Variants in MTUS1 observed in about 807,000 individuals in gnomAD.
The protein encoded by MTUS1 is microtubule-associated tumor suppressor 1.
Under a neutral mutation model 120.8 loss-of-function variants are expected in MTUS1, and 109 were observed. That is an observed-to-expected ratio of 0.90 (90% confidence interval 0.77 to 1.06). The LOEUF is 1.06. Among genes scored for constraint, MTUS1 ranks in the 50% least tolerant of loss-of-function variants. The pLI is 0.00. For missense variants in MTUS1, 2,210 were observed against 1,486.3 expected (o/e 1.49, Z -8.01); for synonymous variants, 737 against 550.5 (o/e 1.34, Z -4.74).
chr8:17,748,587 T>C (rs781356528), intron 2 of MTUS1, among the ~76,000 whole-genome samples: 1 of 152,160 alleles, frequency 6.6e-6, no homozygotes, highest in South Asian at 2.1e-4. Context: ...GCATGCCCTC[T>C]GGGGCTTTAG....
intron 6 of MTUS1, among the ~76,000 whole-genome samples, chr8:17,710,526 A>G (rs927228043): frequency 6.6e-6 from 1 of 152,180 alleles, no homozygotes; most frequent in Non-Finnish European, 1.5e-5. Flanking sequence ...TCTAGTTCTC[A>G]TCCTATTTCT....
In MTUS1 at chr8:17,755,081, A is replaced by G. The variant is rs2048500287; in HGVS notation, c.727T>C (p.Tyr243His). The G allele has an allele frequency of 6.2e-7, 1 of 1,613,754 alleles. No homozygotes were observed. Among genetic ancestry groups the G allele is most frequent in the African/African-American group, 1.3e-5 (1 of 74,936 alleles). ...VTPSEAQDMT[Y>H]TAFSDVVMQS... Reference sequence around the variant, plus strand: ...ATCACCACATCAGAAAATGCTGTGTAAGTCATGTCTTGGGCTTCTGATGGT... The same window carrying G: ...ATCACCACATCAGAAAATGCTGTGTGAGTCATGTCTTGGGCTTCTGATGGT... The change falls in exon 2 of 15, where the codon TAC becomes CAC. Residue 243 changes from tyrosine to histidine, a missense_variant. Transcript: ENST00000693296.
chr8:17,658,024 G>GACACACACACACACAC (rs58132896), intron 8 of MTUS1, among the ~76,000 whole-genome samples: 7,885 of 140,404 alleles, frequency 0.056, 349 homozygotes, highest in Non-Finnish European at 0.083. Flanking sequence ...TATATATATA[G>GACACACACACACACAC]ACACACACAC....
intron 3 of MTUS1, among the ~76,000 whole-genome samples, chr8:17,739,507 A>G (rs2047162827): frequency 2.0e-5 from 3 of 152,078 alleles, no homozygotes; most frequent in African/African-American, 7.3e-5. Flanking sequence ...AAATAAATAA[A>G]TAAATAAATT....
chr8:17,683,353 C>G (rs907913824), intron 7 of MTUS1, among the ~76,000 whole-genome samples: 5 of 152,206 alleles, frequency 3.3e-5, no homozygotes. Flanking sequence ...CCACTTCTCT[C>G]TCTCCCCACT....
chr8:17,650,404 A>G (rs1159316806), intron 12 of MTUS1, among the ~76,000 whole-genome samples: 1 of 152,100 alleles, frequency 6.6e-6, no homozygotes, highest in Non-Finnish European at 1.5e-5. Context: ...AGGGATAACA[A>G]TGTCCTGAGT....
chr8:17,652,399 C>T (rs796069675), intron 12 of MTUS1, among the ~76,000 whole-genome samples: 4 of 152,258 alleles, frequency 2.6e-5, no homozygotes, highest in African/African-American at 9.6e-5. Flanking sequence ...AAAAGGACCA[C>T]ATGTTCTACA....
Position 17,666,075 on chromosome 8 carries a change from G to T in MTUS1, c.2905+9111C>A, listed in dbSNP as rs996056925. ...TTTCAGCTCATTCACTGGCCAGCAT[G>T]CTGCAGAACAGATGCTTTTTTTTTT... On this transcript the variant is annotated intron_variant, in intron 8 of 14. Coordinates refer to ENST00000693296, the MANE Select transcript of MTUS1 (RefSeq NM_001363059.2). 4.2e-5 allele frequency among the ~76,000 whole-genome samples: 6 copies of T among 143,860 alleles called. No homozygotes were observed. The Admixed American group carries it at 4.3e-4, about 10-fold the overall frequency. The allele number at this position is 143,860 out of a possible 152,430, so 94.4% of individuals were successfully genotyped here.
chr8:17,753,655 A>G (rs2048360586), intron 2 of MTUS1, 62 bp downstream of exon 2: 2 of 1,126,824 alleles, frequency 1.8e-6, no homozygotes, highest in South Asian at 3.3e-5. Flanking sequence ...CTAAATGCTA[A>G]CACATCTCAG....
chr8:17,760,265 G>C (rs894732842), intron 1 of MTUS1, among the ~76,000 whole-genome samples: 1 of 151,782 alleles, frequency 6.6e-6, no homozygotes, highest in Non-Finnish European at 1.5e-5. Flanking sequence ...TGAGCAAAGA[G>C]ACTAAAAAAC....
chr8:17,757,078 A>G (rs1450294196), intron 1 of MTUS1, among the ~76,000 whole-genome samples: 1 of 152,188 alleles, frequency 6.6e-6, no homozygotes, highest in Non-Finnish European at 1.5e-5. Flanking sequence ...CAACATGGGA[A>G]CTTGCACACA....
chr8:17,761,558 A>T (rs1291168197), intron 1 of MTUS1, among the ~76,000 whole-genome samples: 1 of 152,242 alleles, frequency 6.6e-6, no homozygotes, highest in East Asian at 1.9e-4. Flanking sequence ...AGAGGCTTAT[A>T]TAAGAGTAGA....
At chr8:17,699,941 A>G (rs541320984) in intron 6 of MTUS1, among the ~76,000 whole-genome samples, 1 of 152,320 alleles carries the variant, frequency 6.6e-6, no homozygotes, top group Admixed American at 6.5e-5. Flanking sequence ...AAGATAAAAA[A>G]TTGGTTCCAA....
At chr8:17,713,816 T>A (rs999050799) in intron 5 of MTUS1, among the ~76,000 whole-genome samples, 1 of 152,174 alleles carries the variant, frequency 6.6e-6, no homozygotes, top group Non-Finnish European at 1.5e-5. Context: ...GACATAATCA[T>A]CTGCAGATAC....
At chr8:17,772,751 AT>A (rs1563367283) in intron 1 of MTUS1, among the ~76,000 whole-genome samples, 1 of 152,250 alleles carries the variant, frequency 6.6e-6, no homozygotes. Context: ...ATTTCAGATC[AT>A]CACTTTGTAA....
At chr8:17,689,142 T>C (rs1221914589) in intron 6 of MTUS1, among the ~76,000 whole-genome samples, 1 of 151,582 alleles carries the variant, frequency 6.6e-6, no homozygotes, top group Non-Finnish European at 1.5e-5. Context: ...ATCCGGGAGG[T>C]GGAAGTTCCA....
At chr8:17,658,022 T>TATACACACACACAC (rs776352415) in intron 8 of MTUS1, among the ~76,000 whole-genome samples, 2 of 36,364 alleles carry the variant, frequency 5.5e-5, no homozygotes, top group Non-Finnish European at 1.2e-4. Flanking sequence ...ACTATATATA[T>TATACACACACACAC]AGACACACAC....
At chr8:17,758,815 G>A (rs1332644681) in intron 1 of MTUS1, among the ~76,000 whole-genome samples, 1 of 152,174 alleles carries the variant, frequency 6.6e-6, no homozygotes, top group Admixed American at 6.5e-5. Flanking sequence ...TTCCTCTTCT[G>A]AAGTGCATAA....
Position 17,719,465 on chromosome 8 carries a change from A to G in MTUS1, c.2450-3564T>C, listed in dbSNP as rs543343300. ...AAGAATGTCTCACATATACCCTAGA[A>G]AAACGTGAACAGAGAAAGAACGAGA... On this transcript the variant is annotated intron_variant, in intron 4 of 14. Coordinates refer to ENST00000693296, the MANE Select transcript of MTUS1 (RefSeq NM_001363059.2). Among the ~76,000 whole-genome samples, 72 of 152,386 alleles carry G rather than the reference A, an allele frequency of 4.7e-4. No homozygotes were observed. The Middle Eastern group carries it at 0.014, about 29-fold the overall frequency.
Sources: gnomAD v4.1 joint callset for allele counts (sites outside exome capture counted in the v4.1 genomes callset) on GRCh38, gnomAD v4.1.1 for gene constraint, MANE v1.5 for transcripts, NCBI Gene and HGNC (gene_info 2026-07-23, HGNC 2026-07-21) for gene names.